GPHN: variants seen among roughly 807,000 people sequenced by gnomAD.
GPHN encodes the protein gephyrin.
Under a neutral mutation model 95.5 loss-of-function variants are expected in GPHN, and 17 were observed. That is an observed-to-expected ratio of 0.18 (90% CI 0.12 to 0.27). GPHN has a LOEUF of 0.27. Among genes scored for constraint, GPHN ranks in the 10% least tolerant of loss-of-function variants. The pLI is 1.00. For missense variants in GPHN, 660 were observed against 978.1 expected, an observed-to-expected ratio of 0.67 and a Z score of 4.34; for synonymous variants, 320 against 322.5, an observed-to-expected ratio of 0.99 and a Z score of 0.08.
At chr14:66,804,507 C>T (rs2060473274) in intron 3 of GPHN, among the ~76,000 whole-genome samples, 1 of 152,112 alleles carries the variant, frequency 6.6e-6, no homozygotes, top group Admixed American at 6.5e-5. Context: ...ACAATTGCTC[C>T]AAGGAGAAAA....
At chr14:66,816,066 G>A (rs78083155) in intron 3 of GPHN, among the ~76,000 whole-genome samples, 1,899 of 152,156 alleles carry the variant, frequency 0.012, 56 homozygotes, top group African/African-American at 0.043. Context: ...AAAAAGAGGG[G>A]CATTAGGTAA....
chr14:66,897,345 A>C (rs2064904531), intron 5 of GPHN, among the ~76,000 whole-genome samples: 1 of 152,026 alleles, frequency 6.6e-6, no homozygotes, highest in Admixed American at 6.6e-5. Context: ...TTTCTTTTAG[A>C]TATATACCCA....
intron 2 of GPHN, among the ~76,000 whole-genome samples, chr14:66,732,575 G>A (rs1213505094): frequency 2.0e-5 from 3 of 152,190 alleles, no homozygotes; most frequent in Non-Finnish European, 4.4e-5. Context: ...GGAGTGCAAT[G>A]GCACAATCTC....
At chr14:67,184,723 G>C (rs968351608), downstream of GPHN, among the ~76,000 whole-genome samples, 6 of 152,292 alleles carry the variant, frequency 3.9e-5, no homozygotes, top group African/African-American at 1.2e-4. Context: ...TGAAAGTACA[G>C]GTTAGGGGTT....
At chr14:67,678,887 T>C in the GPHN span, among the ~76,000 whole-genome samples, 1 of 151,252 alleles carries the variant, frequency 6.6e-6, no homozygotes, top group East Asian at 1.9e-4. Context: ...AGTTATACTG[T>C]TAGTAAACTC....
At chr14:67,276,969 G>T in the GPHN span, among the ~76,000 whole-genome samples, 1 of 152,014 alleles carries the variant, frequency 6.6e-6, no homozygotes, top group Non-Finnish European at 1.5e-5. Flanking sequence ...TATTAAATTT[G>T]ATTTTTAATA....
intron 1 of GPHN, among the ~76,000 whole-genome samples, chr14:66,623,617 CAAAAAAA>C (rs57810648): frequency 1.6e-4 from 15 of 91,522 alleles, no homozygotes; most frequent in East Asian, 2.7e-4. Flanking sequence ...GACTCTGTTT[CAAAAAAA>C]AAAAAAAAAA....
the GPHN span, among the ~76,000 whole-genome samples, chr14:67,509,786 T>C: frequency 5.3e-5 from 8 of 151,974 alleles, no homozygotes; most frequent in East Asian, 1.5e-3. Flanking sequence ...GCAGGAGGAT[T>C]GCTTGAGGCC....
chr14:66,730,769 A>G (rs2071692112), intron 2 of GPHN, among the ~76,000 whole-genome samples: 1 of 152,244 alleles, frequency 6.6e-6, no homozygotes, highest in Non-Finnish European at 1.5e-5. Flanking sequence ...AATTTTGAAC[A>G]TACTACATAT....
chr14:66,600,206 A>T (rs112226405), intron 1 of GPHN, among the ~76,000 whole-genome samples: 1 of 152,046 alleles, frequency 6.6e-6, no homozygotes, highest in Non-Finnish European at 1.5e-5. Context: ...TATATCTGTT[A>T]TATAAAAATA....
At chr14:67,481,196 T>A in the GPHN span, among the ~76,000 whole-genome samples, 1 of 152,082 alleles carries the variant, frequency 6.6e-6, no homozygotes, top group Non-Finnish European at 1.5e-5. Context: ...GGCAGGAGGA[T>A]CCCTTGAGTT....
At chr14:66,824,137 A>T (rs2061309681) in intron 3 of GPHN, among the ~76,000 whole-genome samples, 1 of 152,196 alleles carries the variant, frequency 6.6e-6, no homozygotes. Flanking sequence ...TCTAATCTCT[A>T]TAACTGTCAT....
intron 2 of GPHN, among the ~76,000 whole-genome samples, chr14:66,708,563 A>G (rs2069313717): frequency 6.6e-6 from 1 of 152,162 alleles, no homozygotes; most frequent in Admixed American, 6.6e-5. Context: ...TAGGGAAATT[A>G]AATATTTATA....
chr14:67,436,974 T>C, the GPHN span, among the ~76,000 whole-genome samples: 5 of 152,240 alleles, frequency 3.3e-5, no homozygotes, highest in Admixed American at 3.3e-4. Context: ...GGAGAATCAC[T>C]TGAACCCAGA....
chr14:66,884,580 T>G (rs1490615349), intron 5 of GPHN, among the ~76,000 whole-genome samples: 1 of 79,350 alleles, frequency 1.3e-5, no homozygotes, highest in Non-Finnish European at 1.9e-5. Flanking sequence ...CCCTACTTGT[T>G]TTTTTTTAAA....
At chr14:67,230,579 A>G in the GPHN span, among the ~76,000 whole-genome samples, 2 of 152,284 alleles carry the variant, frequency 1.3e-5, no homozygotes, top group East Asian at 3.9e-4. Flanking sequence ...CTCAAGAAAA[A>G]AAAAGATATA....
chr14:66,526,158 C>T (rs913377157), intron 1 of GPHN, among the ~76,000 whole-genome samples: 4 of 152,104 alleles, frequency 2.6e-5, no homozygotes, highest in Admixed American at 2.0e-4. Context: ...TCTCTTATTT[C>T]CTTGAGCAGT....
intron 4 of GPHN, among the ~76,000 whole-genome samples, chr14:66,868,799 T>C (rs1306353292): frequency 2.0e-5 from 3 of 152,146 alleles, no homozygotes; most frequent in African/African-American, 7.2e-5. Flanking sequence ...ACAAGATACC[T>C]GAATTACTGA....
chr14:67,112,090 G>A (rs887991113), intron 15 of GPHN, among the ~76,000 whole-genome samples, 171 bp downstream of exon 15: 1 of 152,134 alleles, frequency 6.6e-6, no homozygotes, highest in Non-Finnish European at 1.5e-5. Flanking sequence ...TATCTGCCCT[G>A]CCTACTTTTT....
Sources: gnomAD v4.1 joint callset for allele counts (sites outside exome capture counted in the v4.1 genomes callset) on GRCh38, gnomAD v4.1.1 for gene constraint, MANE v1.5 for transcripts, NCBI Gene and HGNC (gene_info 2026-07-23, HGNC 2026-07-21) for gene names.